The following FGF14 variants were observed in gnomAD, a reference collection of about 807,000 sequenced individuals.
The protein encoded by FGF14 is fibroblast growth factor 14.
In FGF14, 5 loss-of-function variants were observed where a neutral mutation model predicts 25.5. The ratio of observed to expected loss-of-function variants is 0.20; its 90% confidence interval spans 0.10 to 0.41. The LOEUF (loss-of-function observed/expected upper bound fraction) is 0.41. Ranked by LOEUF, FGF14 falls within the 10% of genes least tolerant of loss-of-function variation. The pLI is 1.00. For synonymous variants in FGF14, 138 were observed against 118.3 expected, an observed-to-expected ratio of 1.17 and a Z score of -1.08; for missense variants, 222 against 320.1, an observed-to-expected ratio of 0.69 and a Z score of 2.34.
chr13:102,023,995 G>T (rs1012268510), intron 1 of FGF14, among the ~76,000 whole-genome samples: 1 of 151,816 alleles, frequency 6.6e-6, no homozygotes, highest in African/African-American at 2.4e-5. Context: ...CCATTGTGTC[G>T]ATCTACCACA....
chr13:102,339,164 G>A (rs866312664), intron 1 of FGF14, among the ~76,000 whole-genome samples: 25 of 151,936 alleles, frequency 1.6e-4, no homozygotes, highest in Admixed American at 7.2e-4. Context: ...ATTTCACACC[G>A]CATGCCTGTA....
At chr13:101,842,100 C>T (rs1449629431) in intron 3 of FGF14, among the ~76,000 whole-genome samples, 8 of 152,062 alleles carry the variant, frequency 5.3e-5, no homozygotes, top group Non-Finnish European at 1.5e-5. Context: ...TGGTTTTAGG[C>T]TTATAGCTAA....
At chr13:101,944,009 A>C (rs2035642686) in intron 1 of FGF14, among the ~76,000 whole-genome samples, 2 of 131,396 alleles carry the variant, frequency 1.5e-5, no homozygotes. Context: ...AAAAAAAAAA[A>C]AAAAACAAAA....
chr13:102,063,129 G>A (rs763146790), intron 1 of FGF14, among the ~76,000 whole-genome samples: 7 of 152,108 alleles, frequency 4.6e-5, no homozygotes, highest in African/African-American at 9.7e-5. Context: ...AAAATGCTTT[G>A]TATTCACATA....
At chr13:101,822,568 CA>C (rs2042209608) in intron 3 of FGF14, among the ~76,000 whole-genome samples, 1 of 150,828 alleles carries the variant, frequency 6.6e-6, no homozygotes, top group Non-Finnish European at 1.5e-5. Flanking sequence ...AGAGATATAA[CA>C]TCTTAACAGT....
intron 1 of FGF14, among the ~76,000 whole-genome samples, chr13:102,380,729 C>G (rs915034957): frequency 6.6e-6 from 1 of 152,096 alleles, no homozygotes; most frequent in African/African-American, 2.4e-5. Context: ...ACAGTGAATC[C>G]TGACTTTCAT....
At chr13:102,335,103 G>A (rs1034625576) in intron 1 of FGF14, among the ~76,000 whole-genome samples, 2 of 152,128 alleles carry the variant, frequency 1.3e-5, no homozygotes, top group Non-Finnish European at 2.9e-5. Context: ...GTCTCTGTAC[G>A]ATGAAGGTAG....
chr13:102,195,276 T>C (rs1009131903), intron 1 of FGF14, among the ~76,000 whole-genome samples: 1 of 152,154 alleles, frequency 6.6e-6, no homozygotes, highest in Non-Finnish European at 1.5e-5. Context: ...AAGGTAACTA[T>C]ACAAATCAAC....
At chr13:101,902,244 G>A (rs2031659009) in intron 1 of FGF14, among the ~76,000 whole-genome samples, 1 of 151,800 alleles carries the variant, frequency 6.6e-6, no homozygotes, top group African/African-American at 2.4e-5. Context: ...GAGGTTTATC[G>A]CTCCCTTTTT....
At chr13:102,185,591 C>A (rs1337935614) in intron 1 of FGF14, among the ~76,000 whole-genome samples, 1 of 152,224 alleles carries the variant, frequency 6.6e-6, no homozygotes, top group East Asian at 1.9e-4. Context: ...AGAAATGTAT[C>A]TCTTAAAGAT....
chr13:102,048,809 C>G (rs945164152), intron 1 of FGF14, among the ~76,000 whole-genome samples: 1 of 152,124 alleles, frequency 6.6e-6, no homozygotes. Context: ...CAGGCACATT[C>G]CTTATGTTAT....
intron 1 of FGF14, among the ~76,000 whole-genome samples, chr13:102,196,409 C>T (rs1261239779): frequency 6.6e-6 from 1 of 152,030 alleles, no homozygotes; most frequent in Middle Eastern, 3.2e-3. Flanking sequence ...AAAAAAGCCT[C>T]AGGAAAGAAA....
chr13:102,338,904 G>A (rs920223548), intron 1 of FGF14, among the ~76,000 whole-genome samples: 8 of 151,516 alleles, frequency 5.3e-5, no homozygotes, highest in South Asian at 2.1e-4. Context: ...CCAGATACTC[G>A]GGAGTCTGAG....
chr13:101,977,924 C>T (rs529205665), intron 1 of FGF14, among the ~76,000 whole-genome samples: 1 of 143,840 alleles, frequency 7.0e-6, no homozygotes, highest in African/African-American at 2.6e-5. Context: ...TAATGTAAAA[C>T]AGCCATTTCT....
intron 1 of FGF14, among the ~76,000 whole-genome samples, chr13:102,080,477 C>T (rs2043567254): frequency 6.6e-6 from 1 of 152,156 alleles, no homozygotes; most frequent in Non-Finnish European, 1.5e-5. Context: ...CGCTTTCTCA[C>T]CCTTTGACTG....
At chr13:102,015,068 T>C (rs1344365491) in intron 1 of FGF14, among the ~76,000 whole-genome samples, 1 of 152,172 alleles carries the variant, frequency 6.6e-6, no homozygotes, top group African/African-American at 2.4e-5. Flanking sequence ...CCACAACGCC[T>C]GGCTAATTTT....
At chr13:102,282,060 CTT>C (rs1174789417) in intron 1 of FGF14, among the ~76,000 whole-genome samples, 3 of 76,982 alleles carry the variant, frequency 3.9e-5, no homozygotes, top group African/African-American at 1.6e-4. Context: ...CCTAACCCTG[CTT>C]CTTTTTTTTT....
intron 1 of FGF14, among the ~76,000 whole-genome samples, chr13:102,200,290 C>T (rs771975135): frequency 2.0e-5 from 3 of 152,082 alleles, no homozygotes; most frequent in Non-Finnish European, 4.4e-5. Flanking sequence ...CATATAATAA[C>T]TTTGAAAACT....
intron 1 of FGF14, among the ~76,000 whole-genome samples, chr13:102,238,103 G>A (rs1187073376): frequency 6.6e-6 from 1 of 152,054 alleles, no homozygotes; most frequent in East Asian, 1.9e-4. Flanking sequence ...TAATTGAATT[G>A]CATGCTTACT....
Sources: allele counts gnomAD v4.1 joint callset (sites outside exome capture counted in the v4.1 genomes callset), GRCh38; gene constraint gnomAD v4.1.1; transcripts MANE v1.5; gene names NCBI Gene and HGNC (gene_info 2026-07-23, HGNC 2026-07-21).